CSMD1: variants seen among roughly 807,000 people sequenced by gnomAD.
CSMD1 encodes CUB and sushi domain-containing protein 1.
Under a neutral mutation model 417.5 loss-of-function variants are expected in CSMD1, and 213 were observed. That is an observed-to-expected ratio of 0.51 (90% CI 0.46 to 0.57). The LOEUF is 0.57. Among genes scored for constraint, CSMD1 ranks in the 20% least tolerant of loss-of-function variants. The pLI, the probability that CSMD1 is intolerant of heterozygous loss-of-function variation, is 0.00. For missense variants in CSMD1, 6,923 were observed against 4,529.7 expected (o/e 1.53, Z -15.17); for synonymous variants, 2,862 against 1,736.8 (o/e 1.65, Z -16.11).
chr8:3,174,105 C>T (rs755756825), intron 37 of CSMD1, among the ~76,000 whole-genome samples: 1 of 152,192 alleles, frequency 6.6e-6, no homozygotes, highest in Admixed American at 6.5e-5. Flanking sequence ...AACGTGACTT[C>T]ACAGTAATAT....
At chr8:4,671,628 G>A (rs375447042) in intron 1 of CSMD1, among the ~76,000 whole-genome samples, 1 of 152,158 alleles carries the variant, frequency 6.6e-6, no homozygotes, top group African/African-American at 2.4e-5. Context: ...TCAGCACAGA[G>A]AGCTTCAACT....
intron 2 of CSMD1, among the ~76,000 whole-genome samples, chr8:4,634,064 G>A (rs184118832): frequency 4.7e-5 from 7 of 148,972 alleles, no homozygotes; most frequent in Non-Finnish European, 7.4e-5. Flanking sequence ...TTTTCATTTT[G>A]AATTTTGAGT....
intron 1 of CSMD1, among the ~76,000 whole-genome samples, chr8:4,651,907 T>A (rs571082297): frequency 2.0e-5 from 3 of 152,192 alleles, no homozygotes; most frequent in Non-Finnish European, 4.4e-5. Context: ...AGATTATCTT[T>A]CATGTGCTAG....
chr8:4,704,860 G>A (rs950887221), intron 1 of CSMD1, among the ~76,000 whole-genome samples: 6 of 152,144 alleles, frequency 3.9e-5, no homozygotes, highest in Non-Finnish European at 7.4e-5. Flanking sequence ...AAACACCCTA[G>A]AGAAGGCTCC....
At chr8:4,711,078 C>T (rs1360147846) in intron 1 of CSMD1, among the ~76,000 whole-genome samples, 3 of 150,598 alleles carry the variant, frequency 2.0e-5, no homozygotes, top group Non-Finnish European at 4.4e-5. Context: ...CATGATATTT[C>T]AGAAAACAGT....
chr8:4,072,361 A>C (rs186264971), intron 3 of CSMD1, among the ~76,000 whole-genome samples: 1 of 152,300 alleles, frequency 6.6e-6, no homozygotes, highest in East Asian at 1.9e-4. Context: ...ACTAGTTTTC[A>C]ATAATAGCTA....
intron 7 of CSMD1, among the ~76,000 whole-genome samples, chr8:3,668,348 G>A (rs1211990443): frequency 2.0e-5 from 3 of 152,164 alleles, no homozygotes; most frequent in Admixed American, 6.5e-5. Flanking sequence ...GCCCTGGGCT[G>A]TGCATGACGG....
intron 2 of CSMD1, among the ~76,000 whole-genome samples, chr8:4,576,081 C>T (rs1294774160): frequency 6.6e-6 from 1 of 152,228 alleles, no homozygotes; most frequent in Non-Finnish European, 1.5e-5. Context: ...GCTCCACATG[C>T]CAGCATAATT....
chr8:3,236,020 C>G (rs539665432), intron 26 of CSMD1, among the ~76,000 whole-genome samples: 2 of 149,742 alleles, frequency 1.3e-5, no homozygotes, highest in African/African-American at 2.4e-5. Flanking sequence ...CGGGTTCACG[C>G]CATTCTCCTT....
At chr8:3,275,418 C>A (rs911854971) in intron 26 of CSMD1, among the ~76,000 whole-genome samples, 3 of 152,082 alleles carry the variant, frequency 2.0e-5, no homozygotes, top group African/African-American at 7.2e-5. Flanking sequence ...TGGTGTTGCT[C>A]TTCTCGAGGA....
chr8:3,414,877 T>G (rs186788288), intron 12 of CSMD1, among the ~76,000 whole-genome samples: 4 of 152,312 alleles, frequency 2.6e-5, no homozygotes, highest in African/African-American at 9.6e-5. Context: ...AGTCTGCGCT[T>G]GCTCGGGGAT....
chr8:4,087,909 T>C (rs1419266299), intron 3 of CSMD1, among the ~76,000 whole-genome samples: 1 of 152,172 alleles, frequency 6.6e-6, no homozygotes, highest in African/African-American at 2.4e-5. Flanking sequence ...GAAAAAAGGA[T>C]GCCTGAGGTC....
intron 1 of CSMD1, among the ~76,000 whole-genome samples, chr8:4,672,771 A>C (rs1367333290): frequency 6.6e-6 from 1 of 152,160 alleles, no homozygotes; most frequent in Non-Finnish European, 1.5e-5. Context: ...ACATGCATAC[A>C]TGGTGACATG....
chr8:4,608,652 G>T (rs536404034), intron 2 of CSMD1, among the ~76,000 whole-genome samples: 1 of 152,162 alleles, frequency 6.6e-6, no homozygotes, highest in Non-Finnish European at 1.5e-5. Context: ...TTTAATCACC[G>T]TTTATTAAGC....
intron 10 of CSMD1, among the ~76,000 whole-genome samples, chr8:3,499,805 G>A (rs1027143749): frequency 6.6e-6 from 1 of 152,120 alleles, no homozygotes; most frequent in East Asian, 1.9e-4. Flanking sequence ...GCGTTCTCAA[G>A]ATGTGGAGAT....
At position 2,969,702 on chromosome 8, in the gene CSMD1, T is replaced by C. The variant is rs112025633; in HGVS notation, c.8924-2956A>G. Among the ~76,000 whole-genome samples, 325 of 152,306 alleles carry C rather than the reference T, an allele frequency of 2.1e-3. 1 individual carries two copies. The highest frequency in any genetic ancestry group is 7.5e-3 in the African/African-American group (312 of 41,578). Reference sequence around the variant, plus strand: ...AAATGCAACCACTGGTTACATCCTTTTTCATCGAGAGGAACTCACACTTCA... The same window carrying C: ...AAATGCAACCACTGGTTACATCCTTCTTCATCGAGAGGAACTCACACTTCA... On this transcript the variant is annotated intron_variant, in intron 57 of 69. Transcript: ENST00000635120.
At chr8:4,845,395 A>G (rs1007648445) in intron 1 of CSMD1, among the ~76,000 whole-genome samples, 1 of 152,344 alleles carries the variant, frequency 6.6e-6, no homozygotes, top group Non-Finnish European at 1.5e-5. Context: ...TCCTGTTTAC[A>G]AGTGATATCC....
At chr8:3,244,428 C>T (rs1453282082) in intron 26 of CSMD1, among the ~76,000 whole-genome samples, 1 of 152,088 alleles carries the variant, frequency 6.6e-6, no homozygotes, top group Non-Finnish European at 1.5e-5. Flanking sequence ...GAGACCATCC[C>T]TTTTTAATGG....
chr8:3,935,316 T>A (rs1006152525), intron 5 of CSMD1, among the ~76,000 whole-genome samples: 3 of 152,184 alleles, frequency 2.0e-5, no homozygotes, highest in Non-Finnish European at 4.4e-5. Context: ...CATGAAACAC[T>A]TATATATATT....
Sources: allele counts gnomAD v4.1 joint callset (sites outside exome capture counted in the v4.1 genomes callset), GRCh38; gene constraint gnomAD v4.1.1; transcripts MANE v1.5; gene names NCBI Gene and HGNC (gene_info 2026-07-23, HGNC 2026-07-21).